ANKUB1: variants seen among roughly 807,000 people sequenced by gnomAD.
The protein encoded by ANKUB1 is ankyrin repeat and ubiquitin domain containing 1, also known as protein ANKUB1.
Under a neutral mutation model 49.3 loss-of-function variants are expected in ANKUB1, and 42 were observed. The ratio of observed to expected loss-of-function variants is 0.85; its 90% CI spans 0.67 to 1.10. The LOEUF (loss-of-function observed/expected upper bound fraction) is 1.10. ANKUB1 is among the 50% of genes least tolerant of loss of function. The pLI, the probability that ANKUB1 is intolerant of heterozygous loss-of-function variation, is 0.00. For synonymous variants in ANKUB1, 222 were observed against 231.0 expected (o/e 0.96, Z 0.35); for missense variants, 613 against 642.0 (o/e 0.95, Z 0.49).
intron 3 of ANKUB1, among the ~76,000 whole-genome samples, chr3:149,777,936 C>A (rs1014009806): frequency 2.6e-5 from 4 of 152,172 alleles, no homozygotes; most frequent in Admixed American, 6.5e-5. Context: ...TGATTTTCAA[C>A]CTGGACATGA....
At chr3:149,763,747 C>G (rs1170380457) in intron 5 of ANKUB1, among the ~76,000 whole-genome samples, 2 of 152,156 alleles carry the variant, frequency 1.3e-5, no homozygotes, top group African/African-American at 4.8e-5. Context: ...GACGTCTAGG[C>G]TGAGGAATGA....
In ANKUB1 at chr3:149,786,075, G is replaced by A. The variant is rs189377142; in HGVS notation, c.234+4706C>T. 5.4e-5 allele frequency among the ~76,000 whole-genome samples: 8 copies of A among 149,504 alleles called. No individual in the cohort carries two copies. The South Asian group carries it at 8.4e-4, about 16-fold the overall frequency. The stretch of plus-strand genomic sequence containing the variant: ...TTTTGAGACAGAGTCTCGCTTTTTC[G>A]CCCAGGCCAGAGTGCAGTGGTGCTA... On this transcript the variant is annotated intron_variant, in intron 2 of 5. Transcript: ENST00000446160.
intron 2 of ANKUB1, among the ~76,000 whole-genome samples, chr3:149,784,301 C>A (rs375935881): frequency 6.6e-6 from 1 of 152,176 alleles, no homozygotes; most frequent in Admixed American, 6.5e-5. Context: ...GCCCATTTCA[C>A]GCTCTGAAAA....
At chr3:149,763,282 A>T (rs960518005) in intron 5 of ANKUB1, among the ~76,000 whole-genome samples, 10 of 152,248 alleles carry the variant, frequency 6.6e-5, no homozygotes, top group African/African-American at 2.4e-4. Flanking sequence ...TCCTGTTCTG[A>T]TGCATATCCT....
At chr3:149,774,200 T>C (rs1465565427) in intron 3 of ANKUB1, among the ~76,000 whole-genome samples, 1 of 152,220 alleles carries the variant, frequency 6.6e-6, no homozygotes, top group African/African-American at 2.4e-5. Flanking sequence ...CTCTAAATCC[T>C]AATCTCTGGG....
At chr3:149,771,095 T>C (rs1717339032) in intron 3 of ANKUB1, among the ~76,000 whole-genome samples, 1 of 152,220 alleles carries the variant, frequency 6.6e-6, no homozygotes, top group Admixed American at 6.5e-5. Context: ...GGAAAGATGC[T>C]CACCAGCTAA....
At chr3:149,771,765 G>T (rs950162269) in intron 3 of ANKUB1, among the ~76,000 whole-genome samples, 8 of 152,016 alleles carry the variant, frequency 5.3e-5, no homozygotes, top group Non-Finnish European at 1.0e-4. Context: ...CAATCTTAGT[G>T]GCGATGATAG....
chr3:149,772,671 C>T (rs1717417739), intron 3 of ANKUB1, among the ~76,000 whole-genome samples: 1 of 152,176 alleles, frequency 6.6e-6, no homozygotes, highest in African/African-American at 2.4e-5. Context: ...GTGTTTGCCT[C>T]CTCCACTGAG....
chr3:149,780,483 A>G lies in ANKUB1; in HGVS notation c.235-28T>C, dbSNP rs1203233821. On this transcript the variant is annotated intron_variant, in intron 2 of 5. Coordinates refer to ENST00000446160, the MANE Select transcript of ANKUB1 (RefSeq NM_001144960.3). ...AAAGGGAAAGAAAAGGAGGGAACTTATTGTCTGGAGGTTCAGATGAGGGCC... is the reference window on the plus strand; with the variant it reads ...AAAGGGAAAGAAAAGGAGGGAACTTGTTGTCTGGAGGTTCAGATGAGGGCC... 2.6e-6 allele frequency: 4 copies of G among 1,526,654 alleles called. No homozygotes were observed. In the East Asian group the frequency reaches 9.8e-5, roughly 37 times the overall value. 94.6% of individuals were successfully genotyped at this position (1,526,654 alleles called of 1,614,324 possible).
intron 5 of ANKUB1, 85 bp downstream of exon 5, chr3:149,767,072 A>G (rs1270557934): frequency 1.6e-6 from 2 of 1,279,578 alleles, no homozygotes; most frequent in Non-Finnish European, 2.1e-6. Context: ...TTTCAGTGGC[A>G]TAGTAGGGCA....
At chr3:149,788,193 C>T (rs779717205) in intron 2 of ANKUB1, among the ~76,000 whole-genome samples, 2 of 152,092 alleles carry the variant, frequency 1.3e-5, no homozygotes, top group African/African-American at 2.4e-5. Flanking sequence ...GCCTTGGTAA[C>T]CTGAGATAGA....
At position 149,773,547 on chromosome 3, in the gene ANKUB1, C is replaced by T. The variant is rs146789228; in HGVS notation, c.452-2873G>A. ...ACCTTGATAAACATTTTCCAAAATA[C>T]GGACCATACTTGCTACACTAGGTTA... On this transcript the variant is annotated intron_variant, in intron 3 of 5. Transcript: ENST00000446160. Among the ~76,000 whole-genome samples the T allele has an allele frequency of 6.6e-4, 101 of 152,316 alleles. 1 individual carries two copies. The highest frequency in any genetic ancestry group is 2.2e-3 in the African/African-American group (92 of 41,552).
At chr3:149,767,062 T>G in intron 5 of ANKUB1, 95 bp downstream of exon 5, 2 of 1,235,804 alleles carry the variant, frequency 1.6e-6, no homozygotes, top group South Asian at 3.1e-5. Context: ...CTTGTATTAC[T>G]TTCAGTGGCA....
At chr3:149,784,592 C>T (rs925605192) in intron 2 of ANKUB1, among the ~76,000 whole-genome samples, 1 of 152,172 alleles carries the variant, frequency 6.6e-6, no homozygotes, top group African/African-American at 2.4e-5. Context: ...TTGTTTCTGG[C>T]TGCATAATCT....
chr3:149,780,308 A>C lies in ANKUB1; in HGVS notation c.382T>G (p.Cys128Gly). The C allele has an allele frequency of 5.2e-6, 8 of 1,551,792 alleles. No homozygotes were observed. The highest frequency in any genetic ancestry group is 7.0e-6 in the Non-Finnish European group (8 of 1,147,022). Residue 128 changes from cysteine to glycine, a missense_variant, in exon 3 of 6, where the codon TGT (cysteine) becomes GGT (glycine). Cys to Gly is a radical substitution (Grantham distance 159, BLOSUM62 -3). Coordinates refer to ENST00000446160, the MANE Select transcript of ANKUB1 (RefSeq NM_001144960.3). ...LRCGLPVSVY[C>G]LRTPRGLEMY... ...TCCAGGCCCCTTGGGGTTCGGAGAC[A>C]GTAGACACTCACGGGGAGGCCACAT...
At chr3:149,764,114 G>A in intron 5 of ANKUB1, 1 of 443,308 alleles carries the variant, frequency 2.3e-6, no homozygotes, top group Non-Finnish European at 4.5e-6. Flanking sequence ...GGTGCATGTA[G>A]CCATCAAGAT....
At chr3:149,768,193 T>C (rs1717157400) in intron 4 of ANKUB1, 98 bp from the exon 5 acceptor site, 1 of 902,322 alleles carries the variant, frequency 1.1e-6, no homozygotes, top group African/African-American at 1.7e-5. Flanking sequence ...TAGTTGAATG[T>C]TTATTTCTTC....
intron 2 of ANKUB1, among the ~76,000 whole-genome samples, chr3:149,788,762 T>A (rs1004002742): frequency 6.6e-6 from 1 of 151,908 alleles, no homozygotes; most frequent in Admixed American, 6.6e-5. Flanking sequence ...GGGAGAGTTT[T>A]TTCTTTTTCT....
intron 2 of ANKUB1, among the ~76,000 whole-genome samples, chr3:149,788,924 C>T (rs115788856): frequency 0.022 from 3,319 of 151,530 alleles, 115 homozygotes; most frequent in African/African-American, 0.077. Flanking sequence ...TACAGGTGTG[C>T]CCACCACACC....
Sources: allele counts gnomAD v4.1 joint callset (sites outside exome capture counted in the v4.1 genomes callset), GRCh38; gene constraint gnomAD v4.1.1; transcripts MANE v1.5; gene names NCBI Gene and HGNC (gene_info 2026-07-23, HGNC 2026-07-21).